Variants in SCHIP1 observed in about 807,000 individuals in gnomAD.
SCHIP1 encodes the protein schwannomin-interacting protein 1.
In SCHIP1, 8 loss-of-function variants were observed where a neutral mutation model predicts 29.7. The ratio of observed to expected loss-of-function variants is 0.27; its 90% CI spans 0.16 to 0.49. SCHIP1 has a LOEUF of 0.49. SCHIP1 is among the 20% of genes least tolerant of loss of function. The pLI, the probability that SCHIP1 is intolerant of heterozygous loss-of-function variation, is 0.99. For synonymous variants in SCHIP1, 76 were observed against 94.9 expected, an observed-to-expected ratio of 0.80 and a Z score of 1.16; for missense variants, 193 against 294.6, an observed-to-expected ratio of 0.66 and a Z score of 2.52.
At chr3:159,612,419 A>C in the SCHIP1 span, among the ~76,000 whole-genome samples, 1 of 152,216 alleles carries the variant, frequency 6.6e-6, no homozygotes, top group Non-Finnish European at 1.5e-5. Flanking sequence ...CAAATAATTC[A>C]ATGTTGGCAT....
intron 1 of SCHIP1, among the ~76,000 whole-genome samples, chr3:159,848,759 T>C (rs1325085446): frequency 6.6e-6 from 1 of 152,180 alleles, no homozygotes; most frequent in African/African-American, 2.4e-5. Context: ...GTTGATAATC[T>C]GCTTGGAGAA....
the SCHIP1 span, among the ~76,000 whole-genome samples, chr3:159,569,930 AT>A: frequency 6.6e-6 from 1 of 152,062 alleles, no homozygotes; most frequent in Admixed American, 6.6e-5. Flanking sequence ...GATAATGAGC[AT>A]TTTTTTCATG....
the SCHIP1 span, among the ~76,000 whole-genome samples, chr3:159,570,754 A>G: frequency 3.7e-3 from 560 of 152,312 alleles, 5 homozygotes; most frequent in African/African-American, 0.013. Flanking sequence ...CATTTTCCCA[A>G]CATTGATTCT....
the SCHIP1 span, among the ~76,000 whole-genome samples, chr3:159,425,510 C>T: frequency 9.2e-5 from 14 of 152,078 alleles, no homozygotes; most frequent in East Asian, 1.9e-4. Context: ...AATATATATG[C>T]GCCCAACACA....
the SCHIP1 span, among the ~76,000 whole-genome samples, chr3:159,398,565 C>T: frequency 6.6e-6 from 1 of 152,200 alleles, no homozygotes; most frequent in East Asian, 1.9e-4. Flanking sequence ...TCCGGGGGAA[C>T]AATTAGGAGG....
chr3:159,442,337 G>C, the SCHIP1 span, among the ~76,000 whole-genome samples: 1 of 152,130 alleles, frequency 6.6e-6, no homozygotes, highest in African/African-American at 2.4e-5. Context: ...ATCAGGAATG[G>C]TCCCCAGCAG....
chr3:159,887,956 T>C (rs1439584644), intron 4 of SCHIP1, 51 bp downstream of exon 5: 2 of 1,603,350 alleles, frequency 1.2e-6, no homozygotes, highest in Non-Finnish European at 1.7e-6. Flanking sequence ...CCAGAAATGG[T>C]TGACACTGTC....
At chr3:159,886,755 C>G (rs1717000367) in intron 3 of SCHIP1, 1 of 165,476 alleles carries the variant, frequency 6.0e-6, no homozygotes, top group South Asian at 1.7e-4. Flanking sequence ...GACCCTGTCT[C>G]TAACGAGAGA....
the SCHIP1 span, among the ~76,000 whole-genome samples, chr3:159,415,765 T>C: frequency 1.3e-5 from 2 of 152,164 alleles, no homozygotes; most frequent in African/African-American, 4.8e-5. Flanking sequence ...GAAGATTAAA[T>C]AAAAATATAC....
the SCHIP1 span, among the ~76,000 whole-genome samples, chr3:159,493,823 C>T: frequency 6.6e-6 from 1 of 152,116 alleles, no homozygotes; most frequent in East Asian, 1.9e-4. Flanking sequence ...CACACCACAC[C>T]AATTCCAAAA....
the SCHIP1 span, among the ~76,000 whole-genome samples, chr3:159,664,460 GTT>G: frequency 2.7e-5 from 4 of 148,922 alleles, no homozygotes; most frequent in African/African-American, 9.8e-5. Flanking sequence ...AACAGCCATA[GTT>G]TTTTTTTTAT....
the SCHIP1 span, among the ~76,000 whole-genome samples, chr3:159,463,267 A>G: frequency 1.3e-5 from 2 of 152,100 alleles, no homozygotes; most frequent in African/African-American, 4.8e-5. Flanking sequence ...AAGTGCATGT[A>G]TTTGCAGAGC....
At chr3:159,776,657 C>T in the SCHIP1 span, among the ~76,000 whole-genome samples, 1 of 152,184 alleles carries the variant, frequency 6.6e-6, no homozygotes, top group African/African-American at 2.4e-5. Context: ...AATACCTGCT[C>T]TACTGTGGTA....
chr3:159,383,836 T>C, the SCHIP1 span, among the ~76,000 whole-genome samples: 82 of 151,398 alleles, frequency 5.4e-4, no homozygotes, highest in Admixed American at 3.8e-3. Flanking sequence ...CCCTTGTAAG[T>C]TGGATTCCTA....
chr3:159,765,312 G>A, the SCHIP1 span: 4 of 739,168 alleles, frequency 5.4e-6, no homozygotes, highest in Non-Finnish European at 8.2e-6. Flanking sequence ...AAGGTTGCTC[G>A]GTCTGTGAGC....
chr3:159,302,304 T>C, the SCHIP1 span, among the ~76,000 whole-genome samples: 1 of 151,730 alleles, frequency 6.6e-6, no homozygotes, highest in South Asian at 2.1e-4. Flanking sequence ...GGTTTCAACT[T>C]GCAGAAATAA....
chr3:159,441,000 A>G, the SCHIP1 span, among the ~76,000 whole-genome samples: 2 of 152,188 alleles, frequency 1.3e-5, no homozygotes, highest in African/African-American at 2.4e-5. Flanking sequence ...TTTGTATATA[A>G]TCATCGCAGT....
the SCHIP1 span, among the ~76,000 whole-genome samples, chr3:159,303,133 A>G: frequency 6.6e-6 from 1 of 152,138 alleles, no homozygotes; most frequent in South Asian, 2.1e-4. Context: ...TCAGCACTGT[A>G]TGGAAAGATA....
At chr3:159,618,938 T>C in the SCHIP1 span, among the ~76,000 whole-genome samples, 199 of 152,302 alleles carry the variant, frequency 1.3e-3, no homozygotes, top group African/African-American at 4.8e-3. Flanking sequence ...TCATCTCACC[T>C]CAGTACTCTT....
Sources: gnomAD v4.1 joint callset for allele counts (sites outside exome capture counted in the v4.1 genomes callset) on GRCh38, gnomAD v4.1.1 for gene constraint, MANE v1.5 for transcripts, NCBI Gene and HGNC (gene_info 2026-07-23, HGNC 2026-07-21) for gene names.